Variants in ABCF2 observed in about 807,000 individuals in gnomAD.
ABCF2 encodes the protein ATP binding cassette subfamily F member 2.
In ABCF2, 37 loss-of-function variants were observed where a neutral mutation model predicts 76.9. That is an observed-to-expected ratio of 0.48 (90% CI 0.37 to 0.63). ABCF2 has a LOEUF of 0.63. Among genes scored for constraint, ABCF2 ranks in the 30% least tolerant of loss-of-function variants. ABCF2 has a pLI of 0.00. For synonymous variants in ABCF2, 299 were observed against 283.7 expected, an observed-to-expected ratio of 1.05 and a Z score of -0.54; for missense variants, 524 against 782.1, an observed-to-expected ratio of 0.67 and a Z score of 3.94.
At position 151,211,846 on chromosome 7, in the gene ABCF2, G is replaced by C; in HGVS notation, c.*2208C>G. The C allele has an allele frequency of 1.0e-6, 1 of 985,436 alleles. No homozygotes were observed. Among genetic ancestry groups the C allele is most frequent in the Non-Finnish European group, 1.2e-6 (1 of 829,938 alleles). The allele number at this position is 985,436 out of a possible 1,614,324, so 61.0% of individuals were successfully genotyped here. On this transcript the variant is annotated 3_prime_UTR_variant, in exon 15 of 15. Coordinates refer to ENST00000287844, the MANE Select transcript of ABCF2 (RefSeq NM_007189.3). ...GTCAAGCCAGTACCCTCTGGGGTCA[G>C]AGGACTCCCATCTGTCTCAGCTGCA...
At chr7:151,223,597 CCAAA>C in intron 5 of ABCF2, 77 bp downstream of exon 5, 1 of 1,460,240 alleles carries the variant, frequency 6.8e-7, no homozygotes, top group Non-Finnish European at 9.2e-7. Flanking sequence ...GACTCCTGTT[CCAAA>C]CAGTTCCACT....
chr7:151,223,205 AG>A (rs1446700963), intron 5 of ABCF2, among the ~76,000 whole-genome samples: 1 of 152,188 alleles, frequency 6.6e-6, no homozygotes, highest in East Asian at 1.9e-4. Context: ...TGATGGGGCA[AG>A]GAATTACCTG....
intron 7 of ABCF2, among the ~76,000 whole-genome samples, chr7:151,219,552 AG>A (rs1422303816): frequency 6.6e-6 from 1 of 152,216 alleles, no homozygotes; most frequent in East Asian, 1.9e-4. Flanking sequence ...CTGTCTCCAG[AG>A]GGGAAAACAG....
chr7:151,226,624 C>T (rs762539665), intron 1 of ABCF2, 124 bp from the exon 2 acceptor site: 1 of 720,636 alleles, frequency 1.4e-6, no homozygotes. Context: ...GGCCTGCCCC[C>T]GCCTCGTCTG....
intron 5 of ABCF2, among the ~76,000 whole-genome samples, chr7:151,223,440 G>A (rs1415927745): frequency 1.3e-5 from 2 of 152,154 alleles, no homozygotes; most frequent in African/African-American, 2.4e-5. Context: ...ACTACCCCTA[G>A]GATCTCTAAA....
chr7:151,224,330 T>C (rs1802332379), intron 3 of ABCF2, among the ~76,000 whole-genome samples: 1 of 152,150 alleles, frequency 6.6e-6, no homozygotes, highest in Non-Finnish European at 1.5e-5. Context: ...TGAAGCTTTT[T>C]TCACTTACCA....
intron 6 of ABCF2, 96 bp from the exon 7 acceptor site, chr7:151,221,776 AC>A: frequency 2.3e-6 from 2 of 882,232 alleles, no homozygotes; most frequent in South Asian, 2.8e-5. Flanking sequence ...ATCCCTAAGC[AC>A]CTTTTAGATG....
rs1157964342 is a variant in ABCF2, at chr7:151,212,355, A to G, written c.*1699T>C. ...ACAGTGATGATAACTATGGCTGTGG[A>G]CAGGTAAAAATACAAAATTTCCTGT... On this transcript the variant is annotated 3_prime_UTR_variant, in exon 15 of 15. Coordinates refer to ENST00000287844, the MANE Select transcript of ABCF2 (RefSeq NM_007189.3). 1.0e-6 allele frequency: 1 copy of G among 985,368 alleles called. No homozygotes were observed. Among genetic ancestry groups the G allele is most frequent in the African/African-American group, 1.7e-5 (1 of 57,254 alleles). 61.0% of individuals were successfully genotyped at this position (985,368 alleles called of 1,614,324 possible). A position where few individuals can be genotyped will look rare whatever the true frequency, so the allele number is the denominator to read the frequency against.
chr7:151,219,002 C>T lies in ABCF2; in HGVS notation c.1017+62G>A, dbSNP rs919053007. 5.0e-6 allele frequency: 8 copies of T among 1,604,752 alleles called. No individual in the cohort carries two copies. The Admixed American group carries it at 8.5e-5, about 17-fold the overall frequency. On this transcript the variant is annotated intron_variant, in intron 8 of 14. Coordinates refer to ENST00000287844, the MANE Select transcript of ABCF2 (RefSeq NM_007189.3). The stretch of plus-strand genomic sequence containing the variant: ...TCACTACCGCTTCTCGAAATGCCCT[C>T]ATCCGAGCCCCCTGCTTCTTTCAGA...
At chr7:151,216,772 C>T (rs1307533611) in intron 11 of ABCF2, among the ~76,000 whole-genome samples, 1 of 152,154 alleles carries the variant, frequency 6.6e-6, no homozygotes. Context: ...CCTCGGCCTC[C>T]CAAAGCACTG....
intron 6 of ABCF2, among the ~76,000 whole-genome samples, 190 bp downstream of exon 6, chr7:151,222,331 A>C (rs1467787822): frequency 1.5e-4 from 23 of 152,210 alleles, no homozygotes; most frequent in Admixed American, 1.5e-3. Flanking sequence ...AAACTAAAGA[A>C]AAACAATCAA....
Position 151,218,034 on chromosome 7 carries a change from C to T in ABCF2, c.1338+47G>A, listed in dbSNP as rs754573314. 32 of 1,402,108 alleles carry T rather than the reference C, an allele frequency of 2.3e-5. No homozygotes were observed. In the Admixed American group the frequency reaches 3.4e-4, roughly 15 times the overall value. 86.9% of individuals were successfully genotyped at this position (1,402,108 alleles called of 1,614,324 possible). On this transcript the variant is annotated intron_variant, in intron 11 of 14. Transcript: ENST00000287844. ...CATCACTCCCCTCTTCCTTAACCATCGCAAGGCCTAATCTTAGAGGGATCC... is the reference window on the plus strand; with the variant it reads ...CATCACTCCCCTCTTCCTTAACCATTGCAAGGCCTAATCTTAGAGGGATCC...
chr7:151,222,006 G>A, intron 6 of ABCF2: 1 of 247,436 alleles, frequency 4.0e-6, no homozygotes, highest in Non-Finnish European at 7.8e-6. Context: ...CAAAACTGTG[G>A]GTGGGAAGAA....
In ABCF2 at chr7:151,211,509, G is replaced by T; in HGVS notation, c.*2545C>A. The T allele has an allele frequency of 1.0e-6, 1 of 982,662 alleles. No individual in the cohort carries two copies. Among genetic ancestry groups the T allele is most frequent in the Non-Finnish European group, 1.2e-6 (1 of 827,400 alleles). The allele number at this position is 982,662 out of a possible 1,614,324, so 60.9% of individuals were successfully genotyped here. The stretch of plus-strand genomic sequence containing the variant: ...TAATTTTAGAAATATGTATTTTGTG[G>T]ACTTTTAAAGCATTATTTAAATTAC... On this transcript the variant is annotated 3_prime_UTR_variant, in exon 15 of 15. Transcript: ENST00000287844.
At chr7:151,219,225 C>CA (rs1480224250) in intron 7 of ABCF2, 66 bp from the exon 8 acceptor site, 2 of 1,425,244 alleles carry the variant, frequency 1.4e-6, no homozygotes, top group African/African-American at 2.8e-5. Context: ...GATTCTCACT[C>CA]AGAGTTTAGG....
In ABCF2 at chr7:151,214,193, T is replaced by G; in HGVS notation, c.1735-2A>C. 2 of 1,614,128 alleles carry G rather than the reference T, an allele frequency of 1.2e-6. No homozygotes were observed. The highest frequency in any genetic ancestry group is 1.7e-6 in the Non-Finnish European group (2 of 1,180,016). On this transcript the variant is annotated splice_acceptor_variant, in intron 14 of 14. Transcript: ENST00000287844. LOFTEE classifies it high-confidence loss of function. The surrounding 1 kb of genome is among the most constrained non-coding windows in gnomAD (Gnocchi z 4.9). ...ACAGACCCAAATTTCCTGTGCAACCTAGAAAGCAAAACCTGGACTTAATCC... is the reference window on the plus strand; with the variant it reads ...ACAGACCCAAATTTCCTGTGCAACCGAGAAAGCAAAACCTGGACTTAATCC...
In ABCF2 at chr7:151,221,653, G is replaced by A. The variant is rs1223117081; in HGVS notation, c.846C>T (p.Ser282=). 1 of 1,612,268 alleles carries A rather than the reference G, an allele frequency of 6.2e-7. No homozygotes were observed. ...KTFKRILVLV[S]HSQDFLNGVC... is the part of the protein sequence containing the mutation. ...CACCATTCAGAAAATCCTGGGAATGGGAGACGAGGACCAAGATGCGCTTAA... is the reference window on the plus strand; with the variant it reads ...CACCATTCAGAAAATCCTGGGAATGAGAGACGAGGACCAAGATGCGCTTAA... Residue 282 remains serine (S), a synonymous_variant, in exon 7 of 15, where the codon TCC becomes TCT. Transcript: ENST00000287844.
chr7:151,225,446 A>G (rs1802353956), intron 2 of ABCF2, among the ~76,000 whole-genome samples: 1 of 152,248 alleles, frequency 6.6e-6, no homozygotes, highest in Non-Finnish European at 1.5e-5. Context: ...AGGAGATACA[A>G]CATAAAAAGG....
Position 151,218,891 on chromosome 7 carries a change from G to T in ABCF2, c.1018-18C>A, listed in dbSNP as rs774611657. ...ATGTAGTTCTAAAAAAGACCAAAGA[G>T]AGCTTGGAGTATGTGCAGGCGCTCA... is the stretch of plus-strand genomic sequence containing the variant. On this transcript the variant is annotated intron_variant, in intron 8 of 14. Coordinates refer to ENST00000287844, the MANE Select transcript of ABCF2 (RefSeq NM_007189.3). The T allele has an allele frequency of 2.0e-5, 32 of 1,612,838 alleles. No individual in the cohort carries two copies. The highest frequency in any genetic ancestry group is 2.5e-5 in the Non-Finnish European group (30 of 1,179,990).
Sources: gnomAD v4.1 joint callset for allele counts (sites outside exome capture counted in the v4.1 genomes callset) on GRCh38, gnomAD v4.1.1 for gene constraint, Gnocchi (gnomAD v3.1) non-coding constraint, MANE v1.5 for transcripts, NCBI Gene and HGNC (gene_info 2026-07-23, HGNC 2026-07-21) for gene names.